The following BACH2 variants were observed in gnomAD, a reference collection of about 807,000 sequenced individuals.
The protein encoded by BACH2 is BACH transcriptional regulator 2.
A neutral mutation model predicts 61.8 loss-of-function variants in BACH2; 5 were observed. That is an observed-to-expected ratio of 0.08 (90% CI 0.04 to 0.17). BACH2 has a LOEUF of 0.17. Ranked by LOEUF, BACH2 falls within the 10% of genes least tolerant of loss-of-function variation. BACH2 has a pLI of 1.00. For missense variants in BACH2, 824 were observed against 1,091.1 expected, an observed-to-expected ratio of 0.76 and a Z score of 3.45; for synonymous variants, 446 against 440.1, an observed-to-expected ratio of 1.01 and a Z score of -0.17.
chr6:90,053,574 C>T (rs1459879748), intron 5 of BACH2, among the ~76,000 whole-genome samples: 3 of 152,168 alleles, frequency 2.0e-5, no homozygotes, highest in African/African-American at 4.8e-5. Context: ...TCACCATACC[C>T]AGCCTGAAGT....
intron 4 of BACH2, among the ~76,000 whole-genome samples, chr6:90,106,902 G>A (rs977925863): frequency 1.3e-5 from 2 of 152,184 alleles, no homozygotes; most frequent in African/African-American, 4.8e-5. Context: ...CTACATACAT[G>A]GTAGGGAGTA....
At chr6:90,059,221 C>G (rs1283067283) in intron 5 of BACH2, among the ~76,000 whole-genome samples, 2 of 152,248 alleles carry the variant, frequency 1.3e-5, no homozygotes, top group Admixed American at 1.3e-4. Flanking sequence ...TTGCAAGCTA[C>G]TCATCTGACA....
chr6:90,231,071 A>T (rs1582512477), intron 3 of BACH2, among the ~76,000 whole-genome samples: 1 of 152,246 alleles, frequency 6.6e-6, no homozygotes, highest in East Asian at 1.9e-4. Flanking sequence ...CACACCCTGC[A>T]GGCCATTTCC....
At chr6:90,131,584 C>T (rs751333318) in intron 4 of BACH2, among the ~76,000 whole-genome samples, 1 of 152,144 alleles carries the variant, frequency 6.6e-6, no homozygotes, top group Non-Finnish European at 1.5e-5. Context: ...TTAACGTAAC[C>T]CTTTATTATG....
intron 4 of BACH2, among the ~76,000 whole-genome samples, chr6:90,154,400 G>A (rs2127830946): frequency 6.6e-6 from 1 of 152,276 alleles, no homozygotes; most frequent in Middle Eastern, 3.4e-3. Flanking sequence ...AAAATTAGAA[G>A]TGGAAGCAAT....
At chr6:89,985,662 G>A (rs1776200996) in intron 6 of BACH2, among the ~76,000 whole-genome samples, 1 of 152,130 alleles carries the variant, frequency 6.6e-6, no homozygotes, top group Non-Finnish European at 1.5e-5. Context: ...AAAATGGGGG[G>A]AAAATCGGAA....
At chr6:90,001,912 C>A in intron 6 of BACH2, among the ~76,000 whole-genome samples, 1 of 152,224 alleles carries the variant, frequency 6.6e-6, no homozygotes, top group East Asian at 1.9e-4. Flanking sequence ...CCTCTTTTGA[C>A]ACCGTTTCCC....
chr6:90,098,311 A>G (rs1332886202), intron 4 of BACH2, among the ~76,000 whole-genome samples: 1 of 151,470 alleles, frequency 6.6e-6, no homozygotes. Flanking sequence ...TCTTGGTTTA[A>G]TGACCTCAAA....
At chr6:90,109,808 T>A (rs910238582) in intron 4 of BACH2, among the ~76,000 whole-genome samples, 2 of 152,180 alleles carry the variant, frequency 1.3e-5, no homozygotes, top group African/African-American at 2.4e-5. Context: ...AGCTCAGTGT[T>A]TAGACATGTT....
At chr6:90,179,584 A>G (rs993424117) in intron 4 of BACH2, among the ~76,000 whole-genome samples, 2 of 152,164 alleles carry the variant, frequency 1.3e-5, no homozygotes, top group Non-Finnish European at 2.9e-5. Context: ...CTGAGTAACT[A>G]TAAGAAACTA....
At chr6:90,136,954 T>G (rs1281829389) in intron 4 of BACH2, among the ~76,000 whole-genome samples, 1 of 151,872 alleles carries the variant, frequency 6.6e-6, no homozygotes, top group Admixed American at 6.6e-5. Flanking sequence ...TAGACCAGAT[T>G]CCCATTTCAA....
intron 4 of BACH2, among the ~76,000 whole-genome samples, chr6:90,142,776 T>G (rs1463632608): frequency 1.3e-5 from 2 of 152,200 alleles, no homozygotes; most frequent in African/African-American, 4.8e-5. Flanking sequence ...GATTTAAATT[T>G]TCTTCTGTTT....
At chr6:90,098,656 C>G (rs1273278246) in intron 4 of BACH2, among the ~76,000 whole-genome samples, 1 of 152,196 alleles carries the variant, frequency 6.6e-6, no homozygotes, top group Non-Finnish European at 1.5e-5. Flanking sequence ...TGTAGGCCCC[C>G]TAAGAATCCA....
intron 6 of BACH2, among the ~76,000 whole-genome samples, chr6:89,981,047 GA>G (rs1219705015): frequency 1.0e-4 from 15 of 148,564 alleles, no homozygotes. Context: ...ATTTTGGGAA[GA>G]AAAAAAATAT....
chr6:89,988,203 A>ACT (rs1776346637), intron 6 of BACH2, among the ~76,000 whole-genome samples: 1 of 152,266 alleles, frequency 6.6e-6, no homozygotes, highest in African/African-American at 2.4e-5. Flanking sequence ...ATCCATCTGT[A>ACT]CTGTTGCAGA....
At chr6:90,108,979 G>C (rs1181354737) in intron 4 of BACH2, among the ~76,000 whole-genome samples, 1 of 152,032 alleles carries the variant, frequency 6.6e-6, no homozygotes, top group African/African-American at 2.4e-5. Context: ...CACTGTCCCT[G>C]GGACATCAAT....
intron 6 of BACH2, among the ~76,000 whole-genome samples, chr6:89,965,083 C>T (rs993231404): frequency 3.3e-5 from 5 of 152,108 alleles, no homozygotes; most frequent in African/African-American, 7.2e-5. Context: ...GAAGGGGTTT[C>T]GCCATGTTGG....
chr6:90,221,053 C>A, intron 3 of BACH2, among the ~76,000 whole-genome samples: 1 of 151,994 alleles, frequency 6.6e-6, no homozygotes, highest in East Asian at 1.9e-4. Flanking sequence ...TAGTAGAAAC[C>A]ATCTCATCAA....
chr6:90,199,374 A>T (rs756929023), intron 4 of BACH2, among the ~76,000 whole-genome samples: 10 of 152,192 alleles, frequency 6.6e-5, no homozygotes, highest in Non-Finnish European at 1.2e-4. Context: ...TTAGGAAGCA[A>T]TCCTCTGGAA....
Sources: gnomAD v4.1 joint callset for allele counts (sites outside exome capture counted in the v4.1 genomes callset) on GRCh38, gnomAD v4.1.1 for gene constraint, MANE v1.5 for transcripts, NCBI Gene and HGNC (gene_info 2026-07-23, HGNC 2026-07-21) for gene names.